Variants in LRRC7 observed in about 807,000 individuals in gnomAD.
The protein encoded by LRRC7 is leucine rich repeat containing 7, also known as leucine-rich repeat-containing protein 7.
LRRC7 carries 23 observed loss-of-function variants against 175.7 expected under a neutral mutation model. That is an observed-to-expected ratio of 0.13 (90% CI 0.09 to 0.19). The LOEUF (loss-of-function observed/expected upper bound fraction) is 0.19, where lower values mean the gene tolerates loss of function less well. Ranked by LOEUF, LRRC7 falls within the 10% of genes least tolerant of loss-of-function variation. LRRC7 has a pLI of 1.00. For synonymous variants in LRRC7, 685 were observed against 680.9 expected, an observed-to-expected ratio of 1.01 and a Z score of -0.09; for missense variants, 1,354 against 1,904.7, an observed-to-expected ratio of 0.71 and a Z score of 5.38.
At chr1:70,114,805 GA>G in intron 26 of LRRC7, among the ~76,000 whole-genome samples, 1 of 152,228 alleles carries the variant, frequency 6.6e-6, no homozygotes, top group African/African-American at 2.4e-5. Flanking sequence ...AAATGTTGAG[GA>G]AATGCTTTTT....
chr1:69,705,331 G>A lies in LRRC7; in HGVS notation c.100+26853G>A, dbSNP rs184328227. Among the ~76,000 whole-genome samples the A allele has an allele frequency of 1.1e-3, 166 of 152,258 alleles. 1 individual carries two copies. The highest frequency in any genetic ancestry group is 5.4e-3 in the East Asian group (28 of 5,170). Reference sequence around the variant, plus strand: ...GGAAGAGGACACTGGTAGAAGCACAGCAGAGCTCTTAAAGCTTCTCCTTGA... The same window carrying A: ...GGAAGAGGACACTGGTAGAAGCACAACAGAGCTCTTAAAGCTTCTCCTTGA... On this transcript the variant is annotated intron_variant, in intron 2 of 26. Coordinates refer to ENST00000651989, the MANE Select transcript of LRRC7 (RefSeq NM_001370785.2).
chr1:69,616,497 T>C (rs1383315079), intron 1 of LRRC7, among the ~76,000 whole-genome samples: 2 of 152,060 alleles, frequency 1.3e-5, no homozygotes. Context: ...CAATCAAAGT[T>C]TCGGCAACCT....
chr1:70,004,053 G>A (rs1445126260), intron 11 of LRRC7, among the ~76,000 whole-genome samples: 1 of 152,112 alleles, frequency 6.6e-6, no homozygotes, highest in Non-Finnish European at 1.5e-5. Flanking sequence ...GTTTCTAGTT[G>A]TTTTAGATAG....
At chr1:69,820,360 A>C (rs1374020398) in intron 4 of LRRC7, among the ~76,000 whole-genome samples, 1 of 152,118 alleles carries the variant, frequency 6.6e-6, no homozygotes, top group Non-Finnish European at 1.5e-5. Context: ...ATTTGATATT[A>C]TAGTTTATTA....
intron 7 of LRRC7, among the ~76,000 whole-genome samples, chr1:69,888,297 C>A (rs12758411): frequency 1.3e-5 from 2 of 151,768 alleles, no homozygotes; most frequent in East Asian, 1.9e-4. Flanking sequence ...CCCTCGGATC[C>A]AGGTGCGGGA....
chr1:69,938,236 C>T (rs1459196788), intron 8 of LRRC7, among the ~76,000 whole-genome samples: 1 of 151,970 alleles, frequency 6.6e-6, no homozygotes, highest in Non-Finnish European at 1.5e-5. Flanking sequence ...GTAAATCAAG[C>T]AGTCGTTATA....
At chr1:69,610,257 C>A (rs1448147308) in intron 1 of LRRC7, among the ~76,000 whole-genome samples, 2 of 151,704 alleles carry the variant, frequency 1.3e-5, no homozygotes, top group African/African-American at 4.8e-5. Flanking sequence ...TTCCTTTTTC[C>A]CTCCTTTTCT....
In LRRC7 at chr1:69,601,389, A is replaced by T. The variant is rs139331994; in HGVS notation, c.2+32748A>T. Among the ~76,000 whole-genome samples, 317 of 152,052 alleles carry T rather than the reference A, an allele frequency of 2.1e-3. 2 individuals carry two copies. Among genetic ancestry groups the T allele is most frequent in the African/African-American group, 7.3e-3 (304 of 41,468 alleles). ...AGCCTCCCCCTTTTGCTTCTCTGTA[A>T]CCTCCCCGTCCAACAGTAAGAAAAC... On this transcript the variant is annotated intron_variant, in intron 1 of 26. Transcript: ENST00000651989.
chr1:69,906,105 G>A (rs1646300540), intron 7 of LRRC7, among the ~76,000 whole-genome samples: 1 of 151,962 alleles, frequency 6.6e-6, no homozygotes, highest in Non-Finnish European at 1.5e-5. Flanking sequence ...TGATGGGGTT[G>A]TTTGTTTTTT....
At position 69,819,577 on chromosome 1, in the gene LRRC7, CTGTG is replaced by C. The variant is rs71071379; in HGVS notation, c.422-6135_422-6132del. Among the ~76,000 whole-genome samples, 595 of 114,882 alleles carry C rather than the reference CTGTG, an allele frequency of 5.2e-3. 3 individuals carry two copies. The highest frequency in any genetic ancestry group is 0.012 in the East Asian group (44 of 3,674). The allele number at this position is 114,882 out of a possible 152,430, so 75.4% of individuals were successfully genotyped here. A position where few individuals can be genotyped will look rare whatever the true frequency, so the allele number is the denominator to read the frequency against. ...ATGCTCTCTCTCTCTCTCTCTCTCT[CTGTG>C]TGTGTGTGTGTGTGTGTGTGTGTGT... On this transcript the variant is annotated intron_variant, in intron 4 of 26. Coordinates refer to ENST00000651989, the MANE Select transcript of LRRC7 (RefSeq NM_001370785.2).
At chr1:69,691,343 C>T (rs533626842) in intron 2 of LRRC7, among the ~76,000 whole-genome samples, 5 of 152,120 alleles carry the variant, frequency 3.3e-5, no homozygotes, top group African/African-American at 9.6e-5. Context: ...TGTTTTATCT[C>T]GTTGTTTGCA....
At chr1:69,893,059 T>C (rs553597865) in intron 7 of LRRC7, among the ~76,000 whole-genome samples, 1 of 152,320 alleles carries the variant, frequency 6.6e-6, no homozygotes, top group African/African-American at 2.4e-5. Context: ...GTGTTTTTCA[T>C]TTTTAAAAAC....
At chr1:69,605,317 G>A (rs971889613) in intron 1 of LRRC7, among the ~76,000 whole-genome samples, 5 of 152,132 alleles carry the variant, frequency 3.3e-5, no homozygotes, top group African/African-American at 1.2e-4. Flanking sequence ...CCAGCCACAT[G>A]AAACTGTGGG....
rs532410727 is a variant in LRRC7 at position 70,017,266 on chromosome 1, GA to G, written c.1320+747del. On this transcript the variant is annotated intron_variant, in intron 14 of 26. Coordinates refer to ENST00000651989, the MANE Select transcript of LRRC7 (RefSeq NM_001370785.2). Reference sequence around the variant, plus strand: ...GGTGACACAGCGAGACTCTGTCTCAGAAAAAAAAAAAAAAAGGAATTTGCAA... The same window carrying G: ...GGTGACACAGCGAGACTCTGTCTCAGAAAAAAAAAAAAAAGGAATTTGCAA... Among the ~76,000 whole-genome samples, 1,002 of 107,878 alleles carry G rather than the reference GA, an allele frequency of 9.3e-3. 8 individuals are homozygous for G. The highest frequency in any genetic ancestry group is 0.026 in the African/African-American group (786 of 29,686). 70.8% of individuals were successfully genotyped at this position (107,878 alleles called of 152,430 possible). A position where few individuals can be genotyped will look rare whatever the true frequency, so the allele number is the denominator to read the frequency against.
At chr1:69,875,596 T>C (rs1031917216) in intron 7 of LRRC7, among the ~76,000 whole-genome samples, 1 of 152,062 alleles carries the variant, frequency 6.6e-6, no homozygotes, top group Admixed American at 6.6e-5. Flanking sequence ...AATTCATTCA[T>C]AATATTTGTG....
intron 8 of LRRC7, among the ~76,000 whole-genome samples, chr1:69,969,557 G>C (rs528736321): frequency 1.3e-5 from 2 of 152,000 alleles, no homozygotes; most frequent in East Asian, 3.9e-4. Flanking sequence ...ACGATAAAAG[G>C]CCTTGTCCAA....
At position 69,883,739 on chromosome 1, in the gene LRRC7, T is replaced by C. The variant is rs1170678597; in HGVS notation, c.647+45456T>C. ...CCTAGGTTTTCTTCTAGGGTTTTTA[T>C]GGTTTTAGGTCTAACGTTTAAGTCT... On this transcript the variant is annotated intron_variant, in intron 7 of 26. Transcript: ENST00000651989. 5.4e-5 allele frequency among the ~76,000 whole-genome samples: 5 copies of C among 92,944 alleles called. 2 individuals carry two copies. Among genetic ancestry groups the C allele is most frequent in the African/African-American group, 2.0e-4 (5 of 24,490 alleles). 61.0% of individuals were successfully genotyped at this position (92,944 alleles called of 152,430 possible).
At chr1:69,758,944 A>G (rs1336276296) in intron 2 of LRRC7, among the ~76,000 whole-genome samples, 1 of 152,022 alleles carries the variant, frequency 6.6e-6, no homozygotes, top group East Asian at 1.9e-4. Flanking sequence ...TTTCAAATTC[A>G]TGTTTATTAA....
intron 4 of LRRC7, among the ~76,000 whole-genome samples, chr1:69,798,915 TA>T (rs1676125847): frequency 6.6e-6 from 1 of 152,118 alleles, no homozygotes; most frequent in Admixed American, 6.6e-5. Flanking sequence ...GATGGCTATA[TA>T]AGAGTAGCTT....
Sources: allele counts gnomAD v4.1 joint callset (sites outside exome capture counted in the v4.1 genomes callset), GRCh38; gene constraint gnomAD v4.1.1; transcripts MANE v1.5; gene names NCBI Gene and HGNC (gene_info 2026-07-23, HGNC 2026-07-21).